The following MCTP1 variants were observed in gnomAD, a reference collection of about 807,000 sequenced individuals.
MCTP1 encodes multiple C2 and transmembrane domain-containing protein 1.
MCTP1 carries 69 observed loss-of-function variants against 120.6 expected under a neutral mutation model. The observed-to-expected ratio is 0.57, with a 90% CI of 0.47 to 0.70. The LOEUF (loss-of-function observed/expected upper bound fraction) is 0.70, where lower values mean the gene tolerates loss of function less well. MCTP1 is among the 30% of genes least tolerant of loss of function. The pLI, the probability that MCTP1 is intolerant of heterozygous loss-of-function variation, is 0.00. For missense variants in MCTP1, 1,203 were observed against 1,248.8 expected (o/e 0.96, Z 0.55); for synonymous variants, 529 against 493.1 (o/e 1.07, Z -0.96).
chr5:95,109,963 A>G (rs964673150), intron 1 of MCTP1, among the ~76,000 whole-genome samples: 1 of 152,184 alleles, frequency 6.6e-6, no homozygotes, highest in African/African-American at 2.4e-5. Flanking sequence ...GACTATGCCT[A>G]TAACAAGTAA....
chr5:95,004,974 G>A (rs1834413899), intron 2 of MCTP1, among the ~76,000 whole-genome samples: 1 of 152,176 alleles, frequency 6.6e-6, no homozygotes, highest in South Asian at 2.1e-4. Flanking sequence ...AAAGCCGCAG[G>A]CACTCAACAC....
intron 1 of MCTP1, among the ~76,000 whole-genome samples, chr5:95,072,561 A>G (rs895267518): frequency 2.5e-4 from 38 of 152,124 alleles, no homozygotes; most frequent in Non-Finnish European, 4.7e-4. Flanking sequence ...GGCCAATATT[A>G]TACTCTGCAT....
At chr5:95,132,690 C>A (rs557639058) in intron 1 of MCTP1, among the ~76,000 whole-genome samples, 2 of 152,314 alleles carry the variant, frequency 1.3e-5, no homozygotes, top group African/African-American at 4.8e-5. Flanking sequence ...CACCTGGTAG[C>A]ACTATCTCAC....
At chr5:95,043,412 GT>G (rs1413972489) in intron 1 of MCTP1, among the ~76,000 whole-genome samples, 2 of 151,962 alleles carry the variant, frequency 1.3e-5, no homozygotes, top group Non-Finnish European at 2.9e-5. Flanking sequence ...AGCCAGCAAG[GT>G]TTCCTCTTTC....
At chr5:95,212,655 C>T (rs557233961) in intron 1 of MCTP1, among the ~76,000 whole-genome samples, 20 of 151,624 alleles carry the variant, frequency 1.3e-4, no homozygotes, top group Admixed American at 8.5e-4. Context: ...CATCAAAAAG[C>T]TTATCCACCA....
At chr5:95,072,116 T>C (rs1434756149) in intron 1 of MCTP1, among the ~76,000 whole-genome samples, 1 of 151,636 alleles carries the variant, frequency 6.6e-6, no homozygotes, top group Non-Finnish European at 1.5e-5. Flanking sequence ...TGTGTGTGAT[T>C]GGAGGTTTGT....
intron 20 of MCTP1, among the ~76,000 whole-genome samples, chr5:94,712,634 A>T (rs964046354): frequency 6.6e-6 from 1 of 152,078 alleles, no homozygotes; most frequent in South Asian, 2.1e-4. Context: ...TCCTATTTTC[A>T]GTAATCCCTG....
rs544463686 is a variant in MCTP1, at chr5:95,045,047, T to C, written c.721-27563A>G. 1.9e-4 allele frequency among the ~76,000 whole-genome samples: 29 copies of C among 152,276 alleles called. No homozygotes were observed. The South Asian group carries it at 5.4e-3, about 28-fold the overall frequency. ...CTCACAAAGCCCTACACAATCTGTA[T>C]CACCAACTTCTCCAATTTCACCTCC... On this transcript the variant is annotated intron_variant, in intron 1 of 22. Transcript: ENST00000515393.
At chr5:95,156,992 G>T (rs73777317) in intron 1 of MCTP1, among the ~76,000 whole-genome samples, 133 of 152,198 alleles carry the variant, frequency 8.7e-4, no homozygotes, top group African/African-American at 2.6e-3. Flanking sequence ...TGTGATTTGA[G>T]GAGTAGGACT....
chr5:95,249,744 C>T (rs1757193818), intron 1 of MCTP1, among the ~76,000 whole-genome samples: 1 of 152,112 alleles, frequency 6.6e-6, no homozygotes, highest in Non-Finnish European at 1.5e-5. Context: ...ATAGCAAAGA[C>T]TCGGAATGAT....
chr5:94,954,189 T>TATACATATATATATATGC (rs1181265002), intron 2 of MCTP1, among the ~76,000 whole-genome samples: 4 of 132,496 alleles, frequency 3.0e-5, no homozygotes, highest in Non-Finnish European at 6.4e-5. Context: ...TATGCATATA[T>TATACATATATATATATGC]ATATATATAT....
chr5:95,169,909 A>G (rs892344966), intron 1 of MCTP1, among the ~76,000 whole-genome samples: 1 of 151,740 alleles, frequency 6.6e-6, no homozygotes, highest in Non-Finnish European at 1.5e-5. Flanking sequence ...TTCTGCTCTG[A>G]TCTTAGTTAT....
intron 10 of MCTP1, among the ~76,000 whole-genome samples, chr5:94,906,312 G>T (rs146993241): frequency 6.6e-6 from 1 of 151,916 alleles, no homozygotes; most frequent in East Asian, 1.9e-4. Flanking sequence ...ATGGCAAAAC[G>T]CTGCCTCTAC....
rs1462020665 is a variant in MCTP1, at chr5:94,812,789, G to T, written c.2437-13657C>A. Among the ~76,000 whole-genome samples the T allele has an allele frequency of 2.7e-5, 4 of 149,848 alleles. No homozygotes were observed. In the East Asian group the frequency reaches 7.8e-4, roughly 29 times the overall value. ...CCTTGCCTCTTAAAAAAAAAAAAAG[G>T]TGATACAAAATGGATCATAGAACTA... is the stretch of plus-strand genomic sequence containing the variant. On this transcript the variant is annotated intron_variant, in intron 17 of 22. Coordinates refer to ENST00000515393, the MANE Select transcript of MCTP1 (RefSeq NM_024717.7).
intron 2 of MCTP1, among the ~76,000 whole-genome samples, chr5:94,978,775 G>A (rs1318963317): frequency 6.6e-6 from 1 of 152,092 alleles, no homozygotes; most frequent in East Asian, 1.9e-4. Flanking sequence ...TTTGAGATCT[G>A]CTGTACAACA....
At chr5:95,100,103 T>A (rs1181333336) in intron 1 of MCTP1, among the ~76,000 whole-genome samples, 1 of 132,782 alleles carries the variant, frequency 7.5e-6, no homozygotes, top group African/African-American at 2.9e-5. Context: ...AAGGGGAACA[T>A]CACACTCTGG....
intron 1 of MCTP1, among the ~76,000 whole-genome samples, chr5:95,065,774 T>G (rs184394706): frequency 2.8e-4 from 42 of 152,278 alleles, no homozygotes; most frequent in African/African-American, 9.6e-4. Context: ...AAATACATGT[T>G]TCAATAAATG....
At chr5:94,769,420 A>G (rs913842466) in intron 19 of MCTP1, among the ~76,000 whole-genome samples, 3 of 152,168 alleles carry the variant, frequency 2.0e-5, no homozygotes, top group Non-Finnish European at 2.9e-5. Flanking sequence ...TATATATCTC[A>G]ATTACCCTGA....
intron 19 of MCTP1, among the ~76,000 whole-genome samples, chr5:94,718,559 A>G (rs921730988): frequency 6.6e-6 from 1 of 152,194 alleles, no homozygotes; most frequent in Admixed American, 6.5e-5. Context: ...GCACAGCAAA[A>G]GAAATCAGAG....
Sources: allele counts gnomAD v4.1 joint callset (sites outside exome capture counted in the v4.1 genomes callset), GRCh38; gene constraint gnomAD v4.1.1; transcripts MANE v1.5; gene names NCBI Gene and HGNC (gene_info 2026-07-23, HGNC 2026-07-21).